Variants in DOP1A observed in about 807,000 individuals in gnomAD.
The protein encoded by DOP1A is DOP1 leucine zipper like protein A, also known as protein DOP1A.
A neutral mutation model predicts 267.6 loss-of-function variants in DOP1A; 90 were observed. The ratio of observed to expected loss-of-function variants is 0.34; its 90% CI spans 0.28 to 0.40. The LOEUF is 0.40. Ranked by LOEUF, DOP1A falls within the 10% of genes least tolerant of loss-of-function variation. DOP1A has a pLI of 1.00. For synonymous variants in DOP1A, 932 were observed against 999.1 expected, an observed-to-expected ratio of 0.93 and a Z score of 1.27; for missense variants, 2,437 against 2,900.4, an observed-to-expected ratio of 0.84 and a Z score of 3.67.
intron 1 of DOP1A, among the ~76,000 whole-genome samples, chr6:83,083,335 T>C (rs2128045204): frequency 6.6e-6 from 1 of 151,780 alleles, no homozygotes; most frequent in Admixed American, 6.6e-5. Flanking sequence ...GAAAGAAATC[T>C]ATATAGCCGG....
chr6:83,112,072 A>G (rs1393911867), intron 6 of DOP1A, among the ~76,000 whole-genome samples: 2 of 152,158 alleles, frequency 1.3e-5, no homozygotes, highest in Admixed American at 1.3e-4. Flanking sequence ...ATACTGTTAC[A>G]TTTCTTTTGA....
At chr6:83,090,832 G>T (rs757400162) in intron 1 of DOP1A, among the ~76,000 whole-genome samples, 5 of 152,018 alleles carry the variant, frequency 3.3e-5, no homozygotes, top group Non-Finnish European at 7.4e-5. Flanking sequence ...GGCTTAAAAT[G>T]GTGTATCTTT....
Position 83,096,795 on chromosome 6 carries a change from G to T in DOP1A, c.-82G>T. The T allele has an allele frequency of 1.6e-5, 9 of 571,336 alleles. No individual in the cohort carries two copies. Among genetic ancestry groups the T allele is most frequent in the Admixed American group, 3.3e-5 (1 of 30,400 alleles). The allele number at this position is 571,336 out of a possible 1,614,324, so 35.4% of individuals were successfully genotyped here. ...AATACTTCCATGACCCTGAACACTA[G>T]CTGAGGAGAGTTTCAACCACTGCTA... is the stretch of plus-strand genomic sequence containing the variant. On this transcript the variant is annotated 5_prime_UTR_variant, in exon 2 of 39. Coordinates refer to ENST00000349129, the MANE Select transcript of DOP1A (RefSeq NM_015018.4).
intron 31 of DOP1A, 100 bp downstream of exon 31, chr6:83,153,720 AT>A: frequency 8.3e-7 from 1 of 1,204,084 alleles, no homozygotes; most frequent in Non-Finnish European, 1.1e-6. Flanking sequence ...ATAAAATGGC[AT>A]TTTTACCTTG....
intron 1 of DOP1A, among the ~76,000 whole-genome samples, chr6:83,094,003 A>AT (rs1164366967): frequency 6.6e-6 from 1 of 152,130 alleles, no homozygotes; most frequent in Non-Finnish European, 1.5e-5. Flanking sequence ...ATTTTAAAAC[A>AT]TTTTTGTCAC....
At chr6:83,116,422 C>T (rs978828449) in intron 7 of DOP1A, among the ~76,000 whole-genome samples, 11 of 152,186 alleles carry the variant, frequency 7.2e-5, no homozygotes, top group Non-Finnish European at 1.5e-4. Context: ...ATGTTTATTA[C>T]TATTGCCACT....
intron 1 of DOP1A, among the ~76,000 whole-genome samples, chr6:83,073,585 A>G (rs1785972276): frequency 6.6e-6 from 1 of 152,190 alleles, no homozygotes; most frequent in African/African-American, 2.4e-5. Flanking sequence ...TGAAAATATT[A>G]TTTGGGAATA....
At chr6:83,134,834 T>C (rs1450718824) in intron 19 of DOP1A, among the ~76,000 whole-genome samples, 2 of 152,104 alleles carry the variant, frequency 1.3e-5, no homozygotes, top group South Asian at 4.1e-4. Context: ...TGGATTCATA[T>C]ATTGTCATAA....
At chr6:83,117,959 C>T (rs899027002) in intron 7 of DOP1A, among the ~76,000 whole-genome samples, 1 of 152,168 alleles carries the variant, frequency 6.6e-6, no homozygotes, top group Admixed American at 6.5e-5. Context: ...CTAATTCTAT[C>T]AAGAAGCATG....
At chr6:83,143,666 G>A (rs1387400323) in intron 24 of DOP1A, among the ~76,000 whole-genome samples, 1 of 152,076 alleles carries the variant, frequency 6.6e-6, no homozygotes, top group African/African-American at 2.4e-5. Context: ...TTTTAGGAGG[G>A]TTGGAACAGA....
intron 25 of DOP1A, 115 bp from the exon 26 acceptor site, chr6:83,147,121 T>C: frequency 2.3e-6 from 1 of 441,264 alleles, no homozygotes; most frequent in Non-Finnish European, 4.0e-6. Context: ...TTGATGATTT[T>C]GTTCTTTCAA....
intron 1 of DOP1A, among the ~76,000 whole-genome samples, chr6:83,079,799 A>G (rs1245753835): frequency 6.6e-6 from 1 of 152,168 alleles, no homozygotes; most frequent in Non-Finnish European, 1.5e-5. Context: ...GATAGCTACA[A>G]ATAAAGATAC....
chr6:83,162,839 G>A lies in DOP1A; in HGVS notation c.7012G>A (p.Val2338Ile), dbSNP rs1386847228. 1 of 1,613,562 alleles carries A rather than the reference G, an allele frequency of 6.2e-7. No homozygotes were observed. Among genetic ancestry groups the A allele is most frequent in the Non-Finnish European group, 8.5e-7 (1 of 1,179,692 alleles). Residue 2338 changes from valine to isoleucine, a missense_variant, in exon 38 of 39, where the codon GTC (valine) becomes ATC (isoleucine). Coordinates refer to ENST00000349129, the MANE Select transcript of DOP1A (RefSeq NM_015018.4). ...AGCCTCAGATGATTCAGGTTTGGAA[G>A]TCAGAAGGCAGGGTATACATCAACG... ...PEASDDSGLEVRRQGIHQREF... is the reference protein window; with the variant it reads ...PEASDDSGLEIRRQGIHQREF...
At chr6:83,093,312 A>G (rs780118317) in intron 1 of DOP1A, among the ~76,000 whole-genome samples, 1 of 152,136 alleles carries the variant, frequency 6.6e-6, no homozygotes, top group African/African-American at 2.4e-5. Flanking sequence ...ACTTGTTTTC[A>G]TTTTTGTGGA....
At chr6:83,127,992 A>G (rs1777462895) in intron 15 of DOP1A, among the ~76,000 whole-genome samples, 1 of 152,066 alleles carries the variant, frequency 6.6e-6, no homozygotes, top group Non-Finnish European at 1.5e-5. Context: ...TGCACCCTTA[A>G]CCCCTCTACT....
chr6:83,139,092 C>A lies in DOP1A; in HGVS notation c.5050C>A (p.Leu1684Ile), dbSNP rs746765272. The change falls in exon 21 of 39, where the codon CTA becomes ATA. Residue 1684 changes from leucine to isoleucine, a missense_variant. By Grantham distance (5) the Leu-to-Ile change is conservative. Around this residue, in one of 9 missense-constraint regions of DOP1A, gnomAD observed 307 missense variants for 308.6 expected, o/e 0.99. Coordinates refer to ENST00000349129, the MANE Select transcript of DOP1A (RefSeq NM_015018.4). ...VLQRVVVSVTLQLCRNLDNLI... is the reference protein window; with the variant it reads ...VLQRVVVSVTIQLCRNLDNLI... ...GCAGAGAGTGGTTGTTTCTGTGACA[C>A]TACAACTGTGCAGAAATTTAGATAA... is the stretch of plus-strand genomic sequence containing the variant. 1.2e-6 allele frequency: 2 copies of A among 1,613,932 alleles called. No individual in the cohort carries two copies. The highest frequency in any genetic ancestry group is 3.3e-4 in the Middle Eastern group (2 of 6,062).
chr6:83,128,138 A>C (rs901074545), intron 15 of DOP1A, among the ~76,000 whole-genome samples: 2 of 152,200 alleles, frequency 1.3e-5, no homozygotes, highest in African/African-American at 2.4e-5. Context: ...TTTGGGCAAC[A>C]GGGCTTTAGT....
chr6:83,146,349 A>G (rs954693294), intron 25 of DOP1A, among the ~76,000 whole-genome samples: 3 of 152,242 alleles, frequency 2.0e-5, no homozygotes, highest in Admixed American at 6.5e-5. Flanking sequence ...TTAAAGAATT[A>G]TGATATATAT....
chr6:83,094,659 C>T (rs1771113833), intron 1 of DOP1A, among the ~76,000 whole-genome samples: 1 of 152,162 alleles, frequency 6.6e-6, no homozygotes, highest in Non-Finnish European at 1.5e-5. Flanking sequence ...ATTTTACGTA[C>T]TTATTGACCA....
Sources: allele counts gnomAD v4.1 joint callset (sites outside exome capture counted in the v4.1 genomes callset), GRCh38; gene constraint gnomAD v4.1.1; regional missense constraint gnomAD v4.1.1; transcripts MANE v1.5; gene names NCBI Gene and HGNC (gene_info 2026-07-23, HGNC 2026-07-21).